MECR: variants seen among roughly 807,000 people sequenced by gnomAD.
MECR encodes the protein mitochondrial trans-2-enoyl-CoA reductase.
A neutral mutation model predicts 49.1 loss-of-function variants in MECR; 37 were observed. That is an observed-to-expected ratio of 0.75 (90% CI 0.58 to 0.99). The LOEUF (loss-of-function observed/expected upper bound fraction) is 0.99. Among genes scored for constraint, MECR ranks in the 50% least tolerant of loss-of-function variants. The pLI is 0.00. For missense variants in MECR, 470 were observed against 479.6 expected (o/e 0.98, Z 0.19); for synonymous variants, 198 against 191.1 (o/e 1.04, Z -0.30).
chr1:29,213,274 C>T (rs1028298560), intron 3 of MECR, among the ~76,000 whole-genome samples: 1 of 152,266 alleles, frequency 6.6e-6, no homozygotes, highest in Admixed American at 6.5e-5. Flanking sequence ...TGAATCCTTG[C>T]AGCTCTCAAT....
At chr1:29,200,329 C>G (rs1675009392) in intron 7 of MECR, 187 bp downstream of exon 7, 1 of 507,998 alleles carries the variant, frequency 2.0e-6, no homozygotes, top group East Asian at 3.3e-5. Context: ...TTTTGGTCAT[C>G]TGCAAAGGGG....
intron 1 of MECR, 65 bp downstream of exon 1, chr1:29,230,666 G>A: frequency 6.6e-7 from 1 of 1,520,630 alleles, no homozygotes; most frequent in Non-Finnish European, 8.9e-7. Flanking sequence ...TTCCCAGTCC[G>A]CAGCTCGTGT....
At position 29,201,838 on chromosome 1, in the gene MECR, C is replaced by T; in HGVS notation, c.756+105G>A. On this transcript the variant is annotated intron_variant, in intron 6 of 9. Transcript: ENST00000263702. The surrounding 1 kb of genome is among the most constrained non-coding windows in gnomAD (Gnocchi z 4.3). The stretch of plus-strand genomic sequence containing the variant: ...CCAACCAAGAGGCAAAGGGAGGTTT[C>T]CAGAGAGGAACAATGGGGCCAGTCC... The T allele has an allele frequency of 1.9e-6, 2 of 1,030,826 alleles. No individual in the cohort carries two copies. The highest frequency in any genetic ancestry group is 2.1e-4 in the Middle Eastern group (1 of 4,674). 63.9% of individuals were successfully genotyped at this position (1,030,826 alleles called of 1,614,324 possible).
At chr1:29,172,032 T>C in the MECR span, 1 of 152,098 alleles carries the variant, frequency 6.6e-6, no homozygotes, top group Non-Finnish European at 1.5e-5. Flanking sequence ...TATGGTATTA[T>C]CTCTTGGCAT....
chr1:29,216,556 C>A, intron 2 of MECR, 32 bp downstream of exon 2: 1 of 1,605,112 alleles, frequency 6.2e-7, no homozygotes, highest in East Asian at 2.2e-5. Flanking sequence ...ACAAAAAAGC[C>A]AATTAACATA....
At chr1:29,198,998 C>G (rs184447197) in intron 7 of MECR, among the ~76,000 whole-genome samples, 1 of 152,142 alleles carries the variant, frequency 6.6e-6, no homozygotes, top group Non-Finnish European at 1.5e-5. Flanking sequence ...GTAAGTCAAG[C>G]GCTGCACACA....
rs376810767 is a variant in MECR, at chr1:29,215,993, G to A, written c.406+12C>T. 3.7e-6 allele frequency: 6 copies of A among 1,613,522 alleles called. No individual in the cohort carries two copies. The African/African-American group carries it at 6.7e-5, about 18-fold the overall frequency. ...AAGAACGAATAGGCAGCTGACACCT[G>A]GAGAAACTCACCTAAACCAGCATTT... is the stretch of plus-strand genomic sequence containing the variant. On this transcript the variant is annotated intron_variant, in intron 3 of 9. Transcript: ENST00000263702.
At chr1:29,188,733 G>T (rs1216331968), downstream of MECR, among the ~76,000 whole-genome samples, 1 of 151,726 alleles carries the variant, frequency 6.6e-6, no homozygotes, top group Admixed American at 6.6e-5. Context: ...TCCACCTCCC[G>T]GGTTCAAGCA....
At chr1:29,183,261 G>A in the MECR span, among the ~76,000 whole-genome samples, 1 of 152,100 alleles carries the variant, frequency 6.6e-6, no homozygotes, top group Non-Finnish European at 1.5e-5. Context: ...GAGTATAAAA[G>A]GACTAGTTTT....
chr1:29,216,642 G>T lies in MECR; in HGVS notation c.220C>A (p.Arg74Ser). 6.2e-7 allele frequency: 1 copy of T among 1,614,164 alleles called. No individual in the cohort carries two copies. The highest frequency in any genetic ancestry group is 8.5e-7 in the Non-Finnish European group (1 of 1,180,040). Residue 74 changes from arginine (R) to serine (S), a missense_variant, in exon 2 of 10, where the codon CGT becomes AGT. Transcript: ENST00000263702. ...ATAGGGGCCGCCAGCATCTTCACAC[G>T]GACATCTGATCCTCTCACAGCAGCT... is the stretch of plus-strand genomic sequence containing the variant. ...ELAAVRGSDV[R>S]VKMLAAPINP...
At chr1:29,182,362 A>C in the MECR span, among the ~76,000 whole-genome samples, 1 of 152,024 alleles carries the variant, frequency 6.6e-6, no homozygotes, top group Non-Finnish European at 1.5e-5. Context: ...TGTCTTGAGA[A>C]TTATATGAGA....
chr1:29,218,560 A>C (rs1381613188), intron 1 of MECR, among the ~76,000 whole-genome samples: 2 of 152,210 alleles, frequency 1.3e-5, no homozygotes, highest in African/African-American at 2.4e-5. Context: ...TCTTGTGGTA[A>C]AAGTGTGATT....
chr1:29,186,689 G>T, the MECR span, among the ~76,000 whole-genome samples: 1 of 152,158 alleles, frequency 6.6e-6, no homozygotes, highest in Non-Finnish European at 1.5e-5. Flanking sequence ...AAATTTGAAT[G>T]CTCTTCCAGT....
intron 3 of MECR, among the ~76,000 whole-genome samples, chr1:29,209,455 C>T (rs1161641892): frequency 6.6e-6 from 1 of 152,066 alleles, no homozygotes; most frequent in Non-Finnish European, 1.5e-5. Context: ...GCTTTAAGAT[C>T]ACTTTATTGC....
At chr1:29,185,010 C>G in the MECR span, among the ~76,000 whole-genome samples, 1 of 151,520 alleles carries the variant, frequency 6.6e-6, no homozygotes, top group Admixed American at 6.6e-5. Flanking sequence ...CCTATAATCC[C>G]AGCTACTCGG....
chr1:29,205,809 A>G (rs1254387387), intron 4 of MECR, among the ~76,000 whole-genome samples: 1 of 152,034 alleles, frequency 6.6e-6, no homozygotes, highest in African/African-American at 2.4e-5. Flanking sequence ...GGGGCGACAG[A>G]GCACGACTGT....
chr1:29,169,886 A>G, the MECR span: 1 of 152,222 alleles, frequency 6.6e-6, no homozygotes, highest in Non-Finnish European at 1.5e-5. Flanking sequence ...TCTGCATCAA[A>G]TATGAATTTA....
the MECR span, among the ~76,000 whole-genome samples, chr1:29,174,149 A>G: frequency 6.6e-6 from 1 of 151,706 alleles, no homozygotes; most frequent in South Asian, 2.1e-4. Flanking sequence ...AGATCATGCC[A>G]CTGCACTGCA....
downstream of MECR, among the ~76,000 whole-genome samples, chr1:29,188,857 C>A (rs1470183051): frequency 6.6e-6 from 1 of 152,020 alleles, no homozygotes; most frequent in East Asian, 1.9e-4. Context: ...CCAGGCTGAT[C>A]TTGAACTCCT....
Sources: gnomAD v4.1 joint callset for allele counts (sites outside exome capture counted in the v4.1 genomes callset) on GRCh38, gnomAD v4.1.1 for gene constraint, Gnocchi (gnomAD v3.1) non-coding constraint, MANE v1.5 for transcripts, NCBI Gene and HGNC (gene_info 2026-07-23, HGNC 2026-07-21) for gene names.